The following SEMA5A variants were observed in gnomAD, a reference collection of about 807,000 sequenced individuals.
SEMA5A encodes the protein semaphorin-5A.
Under a neutral mutation model 135.5 loss-of-function variants are expected in SEMA5A, and 55 were observed. The ratio of observed to expected loss-of-function variants is 0.41; its 90% CI spans 0.33 to 0.51. The LOEUF (loss-of-function observed/expected upper bound fraction) is 0.51, where lower values mean the gene tolerates loss of function less well. SEMA5A is among the 20% of genes least tolerant of loss of function. The pLI, the probability that SEMA5A is intolerant of heterozygous loss-of-function variation, is 0.37. For missense variants in SEMA5A, 1,290 were observed against 1,419.9 expected, an observed-to-expected ratio of 0.91 and a Z score of 1.47; for synonymous variants, 580 against 546.5, an observed-to-expected ratio of 1.06 and a Z score of -0.85.
chr5:9,440,264 A>G (rs900060544), intron 1 of SEMA5A, among the ~76,000 whole-genome samples: 1 of 152,262 alleles, frequency 6.6e-6, no homozygotes, highest in African/African-American at 2.4e-5. Flanking sequence ...AATCACTGAC[A>G]TATTTTCTAG....
At chr5:9,392,079 G>T (rs559157314) in intron 2 of SEMA5A, among the ~76,000 whole-genome samples, 1 of 152,102 alleles carries the variant, frequency 6.6e-6, no homozygotes, top group African/African-American at 2.4e-5. Context: ...TTAGATCCTA[G>T]ATCTTTTTCT....
chr5:9,492,646 T>C (rs936254553), intron 1 of SEMA5A, among the ~76,000 whole-genome samples: 1 of 152,162 alleles, frequency 6.6e-6, no homozygotes, highest in African/African-American at 2.4e-5. Context: ...AAATCTTTAT[T>C]TAGAAGAAAA....
At chr5:9,043,320 T>C in intron 22 of SEMA5A, 1 of 260,020 alleles carries the variant, frequency 3.8e-6, no homozygotes, top group Non-Finnish European at 7.3e-6. Flanking sequence ...CCTAAAACTA[T>C]AATGATTTCA....
intron 11 of SEMA5A, among the ~76,000 whole-genome samples, chr5:9,155,930 T>C (rs999673127): frequency 1.3e-5 from 2 of 152,238 alleles, no homozygotes; most frequent in Non-Finnish European, 1.5e-5. Flanking sequence ...TGAAAAATCA[T>C]GTAGACAGTA....
chr5:9,252,052 G>A (rs892596338), intron 5 of SEMA5A, among the ~76,000 whole-genome samples: 1 of 152,160 alleles, frequency 6.6e-6, no homozygotes, highest in Non-Finnish European at 1.5e-5. Context: ...CTCTTTCAGT[G>A]AATGAGTTGG....
chr5:9,051,399 GC>G (rs1421367428), intron 20 of SEMA5A, among the ~76,000 whole-genome samples: 4 of 152,172 alleles, frequency 2.6e-5, no homozygotes, highest in Admixed American at 2.6e-4. Flanking sequence ...ACCATGAGAA[GC>G]TGGTTGAATG....
chr5:9,064,832 T>C (rs775450710), intron 17 of SEMA5A, among the ~76,000 whole-genome samples: 2 of 152,228 alleles, frequency 1.3e-5, no homozygotes, highest in African/African-American at 2.4e-5. Flanking sequence ...ATACTTGTAC[T>C]AGAAAAAAAC....
chr5:9,054,152 T>C lies in SEMA5A; in HGVS notation c.2624A>G (p.Tyr875Cys). ...TRSCSNPAPA[Y>C]GGDICLGLHT... ...CAGCCCCAGGCAGATGTCCCCTCCATAGGCCGGGGCTGGATTGGAGCAAGA... is the reference window on the plus strand; with the variant it reads ...CAGCCCCAGGCAGATGTCCCCTCCACAGGCCGGGGCTGGATTGGAGCAAGA... The change falls in exon 19 of 23, where the codon TAT becomes TGT. Residue 875 changes from tyrosine to cysteine, a missense_variant. Tyr to Cys is a radical substitution (Grantham distance 194). Around this residue, in one of 3 missense-constraint regions of SEMA5A, gnomAD observed 1,029 missense variants for 1,086.6 expected, o/e 0.95. Transcript: ENST00000382496. The C allele has an allele frequency of 6.2e-7, 1 of 1,613,966 alleles. No homozygotes were observed. Among genetic ancestry groups the C allele is most frequent in the Non-Finnish European group, 8.5e-7 (1 of 1,179,970 alleles).
At position 9,051,928 on chromosome 5, in the gene SEMA5A, G is replaced by A. The variant is rs1736601689; in HGVS notation, c.2790C>T (p.Cys930=). The A allele has an allele frequency of 6.2e-7, 1 of 1,614,064 alleles. No homozygotes were observed. Among genetic ancestry groups the A allele is most frequent in the Admixed American group, 1.7e-5 (1 of 60,004 alleles). Residue 930 remains cysteine, a synonymous_variant, in exon 20 of 23, where the codon TGC becomes TGT. Coordinates refer to ENST00000382496, the MANE Select transcript of SEMA5A (RefSeq NM_003966.3). ...CILLFPMGSQ[C]SGNTTESRPC... ...GCCGGCTCTCCGTGGTGTTCCCGGA[G>A]CACTGGCTGCCCATGGGGAACAGGA...
intron 3 of SEMA5A, among the ~76,000 whole-genome samples, chr5:9,359,409 C>A (rs1352435093): frequency 6.6e-6 from 1 of 152,210 alleles, no homozygotes; most frequent in Non-Finnish European, 1.5e-5. Flanking sequence ...CATTGTTGAA[C>A]TTGACATTGC....
intron 2 of SEMA5A, among the ~76,000 whole-genome samples, chr5:9,400,343 TAA>T (rs1484573062): frequency 3.3e-5 from 5 of 152,060 alleles, no homozygotes; most frequent in Admixed American, 6.6e-5. Flanking sequence ...ATAAAAGAAT[TAA>T]ACTCAGATAA....
At chr5:9,441,452 G>T (rs542607841) in intron 1 of SEMA5A, among the ~76,000 whole-genome samples, 2 of 152,250 alleles carry the variant, frequency 1.3e-5, no homozygotes, top group African/African-American at 4.8e-5. Flanking sequence ...CAGCACCATG[G>T]TGAGTTAAAG....
chr5:9,320,651 A>C (rs1408124999), intron 4 of SEMA5A, among the ~76,000 whole-genome samples: 2 of 152,182 alleles, frequency 1.3e-5, no homozygotes, highest in Non-Finnish European at 2.9e-5. Context: ...CTGGGAGGTC[A>C]AGGCTCCAGT....
At chr5:9,444,936 T>C (rs1443532632) in intron 1 of SEMA5A, among the ~76,000 whole-genome samples, 1 of 152,208 alleles carries the variant, frequency 6.6e-6, no homozygotes, top group East Asian at 1.9e-4. Context: ...GTGGTGTCTC[T>C]AGCAGGGACA....
At chr5:9,065,656 G>C (rs1737426465) in intron 17 of SEMA5A, among the ~76,000 whole-genome samples, 4 of 152,118 alleles carry the variant, frequency 2.6e-5, no homozygotes, top group Admixed American at 2.6e-4. Flanking sequence ...CTTTTCTGTT[G>C]GTATCTTTTC....
chr5:9,503,292 C>T (rs1735689016), intron 1 of SEMA5A, among the ~76,000 whole-genome samples: 1 of 152,186 alleles, frequency 6.6e-6, no homozygotes, highest in Non-Finnish European at 1.5e-5. Flanking sequence ...TAAGGCAGAA[C>T]TGTGAGGTTC....
At chr5:9,509,592 A>C (rs145597415) in intron 1 of SEMA5A, among the ~76,000 whole-genome samples, 1,647 of 152,158 alleles carry the variant, frequency 0.011, 25 homozygotes, top group African/African-American at 0.036. Context: ...AAAATTATTT[A>C]ATGAGTGGAT....
intron 2 of SEMA5A, among the ~76,000 whole-genome samples, chr5:9,394,904 CATTT>C (rs1258489154): frequency 1.3e-5 from 2 of 151,906 alleles, no homozygotes; most frequent in African/African-American, 4.8e-5. Flanking sequence ...AAAGTGCAGA[CATTT>C]ATTTATCTAT....
chr5:9,434,950 C>A (rs1422465155), intron 2 of SEMA5A, among the ~76,000 whole-genome samples: 1 of 152,134 alleles, frequency 6.6e-6, no homozygotes, highest in East Asian at 1.9e-4. Flanking sequence ...ATTGGTCTTT[C>A]AATTTTCTTT....
Sources: gnomAD v4.1 joint callset for allele counts (sites outside exome capture counted in the v4.1 genomes callset) on GRCh38, gnomAD v4.1.1 for gene constraint, gnomAD v4.1.1 regional missense constraint, MANE v1.5 for transcripts, NCBI Gene and HGNC (gene_info 2026-07-23, HGNC 2026-07-21) for gene names.